Variants in CNTN4 observed in about 807,000 individuals in gnomAD.
The protein encoded by CNTN4 is contactin 4.
CNTN4 carries 77 observed loss-of-function variants against 122.5 expected under a neutral mutation model. The ratio of observed to expected loss-of-function variants is 0.63; its 90% confidence interval spans 0.52 to 0.76. The LOEUF (loss-of-function observed/expected upper bound fraction) is 0.76, where lower values mean the gene tolerates loss of function less well. CNTN4 is among the 30% of genes least tolerant of loss of function. The pLI is 0.00. For synonymous variants in CNTN4, 512 were observed against 447.0 expected, an observed-to-expected ratio of 1.15 and a Z score of -1.83; for missense variants, 1,256 against 1,259.1, an observed-to-expected ratio of 1.00 and a Z score of 0.04.
At chr3:2,865,750 C>T (rs2150822207) in intron 7 of CNTN4, among the ~76,000 whole-genome samples, 1 of 152,292 alleles carries the variant, frequency 6.6e-6, no homozygotes, top group Admixed American at 6.5e-5. Context: ...TAGTTCACTG[C>T]AGCAAATCAT....
chr3:2,860,075 G>A (rs1018169679), intron 7 of CNTN4, among the ~76,000 whole-genome samples: 8 of 152,228 alleles, frequency 5.3e-5, no homozygotes, highest in East Asian at 1.9e-4. Flanking sequence ...TGAACAAAGC[G>A]AGTAGTCTCT....
At chr3:2,254,030 C>G (rs1238329854) in intron 2 of CNTN4, among the ~76,000 whole-genome samples, 2 of 151,666 alleles carry the variant, frequency 1.3e-5, no homozygotes, top group Non-Finnish European at 1.5e-5. Context: ...CTAATGCTAT[C>G]CCTCCCCTAG....
Position 3,030,868 on chromosome 3 carries a change from G to A in CNTN4, c.1676G>A (p.Gly559Asp). 1.2e-6 allele frequency: 2 copies of A among 1,614,042 alleles called. No individual in the cohort carries two copies. The highest frequency in any genetic ancestry group is 1.3e-5 in the African/African-American group (1 of 75,036). ...CTACTTTATCAGCAGGATTCAGCTG[G>A]TGATTTGATGATCCGAAACATCCAA... Reference protein sequence around the residue: ...FERVGGQDSAGDLMIRNIQLK... With the variant: ...FERVGGQDSADDLMIRNIQLK... The change falls in exon 16 of 25, where the codon GGT (glycine) becomes GAT (aspartate). Residue 559 changes from glycine to aspartate, a missense_variant. Coordinates refer to ENST00000418658, the MANE Select transcript of CNTN4 (RefSeq NM_175607.3).
At chr3:2,252,204 T>C (rs1575175906) in intron 2 of CNTN4, among the ~76,000 whole-genome samples, 1 of 152,020 alleles carries the variant, frequency 6.6e-6, no homozygotes, top group Non-Finnish European at 1.5e-5. Context: ...TCCAACATAG[T>C]TGAGTGGTGA....
chr3:2,485,575 C>T lies in CNTN4; in HGVS notation c.-88-85841C>T, dbSNP rs183938160. 2.0e-5 allele frequency among the ~76,000 whole-genome samples: 3 copies of T among 152,134 alleles called. No homozygotes were observed. The East Asian group carries it at 5.8e-4, about 29-fold the overall frequency. On this transcript the variant is annotated intron_variant, in intron 3 of 24. Coordinates refer to ENST00000418658, the MANE Select transcript of CNTN4 (RefSeq NM_175607.3). ...ACCCATCGGCACTCTGTGTCTAGTT[C>T]AAGGTTTGTAAATGCACCAATCAGC...
chr3:2,327,169 C>T (rs1201554845), intron 2 of CNTN4, among the ~76,000 whole-genome samples: 2 of 119,788 alleles, frequency 1.7e-5, no homozygotes, highest in Non-Finnish European at 3.6e-5. Flanking sequence ...GTGTGTGTGT[C>T]TATAAAGTGC....
At chr3:2,779,026 C>G (rs554663737) in intron 6 of CNTN4, among the ~76,000 whole-genome samples, 53 of 152,280 alleles carry the variant, frequency 3.5e-4, no homozygotes, top group African/African-American at 1.2e-3. Context: ...CCCATAGTAG[C>G]ATTTATTTCC....
At chr3:2,185,550 C>G (rs938535245) in intron 2 of CNTN4, among the ~76,000 whole-genome samples, 1 of 152,090 alleles carries the variant, frequency 6.6e-6, no homozygotes, top group Non-Finnish European at 1.5e-5. Context: ...CATATCCCCA[C>G]AGTGTATGCT....
intron 7 of CNTN4, among the ~76,000 whole-genome samples, chr3:2,860,647 A>G (rs1320726731): frequency 6.6e-6 from 1 of 152,162 alleles, no homozygotes; most frequent in Non-Finnish European, 1.5e-5. Flanking sequence ...AACTCATCTA[A>G]GACACTGCCC....
chr3:2,574,289 T>G (rs2149512032), intron 4 of CNTN4, among the ~76,000 whole-genome samples: 1 of 152,270 alleles, frequency 6.6e-6, no homozygotes, highest in East Asian at 1.9e-4. Flanking sequence ...CCATAACTTT[T>G]CTATACATCT....
intron 14 of CNTN4, among the ~76,000 whole-genome samples, chr3:3,012,387 A>G (rs967951022): frequency 6.6e-6 from 1 of 152,040 alleles, no homozygotes; most frequent in Non-Finnish European, 1.5e-5. Flanking sequence ...AATAGCTAGC[A>G]TTTTTTGAGC....
intron 4 of CNTN4, among the ~76,000 whole-genome samples, chr3:2,633,008 TATC>T (rs1244295526): frequency 1.3e-5 from 2 of 148,850 alleles, no homozygotes; most frequent in Non-Finnish European, 3.0e-5. Flanking sequence ...ATTTATATAA[TATC>T]TATTTATAAC....
intron 6 of CNTN4, among the ~76,000 whole-genome samples, chr3:2,792,320 A>G (rs2092037546): frequency 6.6e-6 from 1 of 152,190 alleles, no homozygotes; most frequent in Admixed American, 6.5e-5. Flanking sequence ...CTACTACACA[A>G]CAATCTTCGT....
intron 3 of CNTN4, among the ~76,000 whole-genome samples, chr3:2,379,783 G>C (rs910002428): frequency 6.6e-6 from 1 of 152,036 alleles, no homozygotes; most frequent in Non-Finnish European, 1.5e-5. Context: ...GGCCGGGCGC[G>C]GTGGCTCACG....
chr3:2,562,784 C>G (rs2079012042), intron 3 of CNTN4, among the ~76,000 whole-genome samples: 1 of 151,790 alleles, frequency 6.6e-6, no homozygotes, highest in Admixed American at 6.6e-5. Flanking sequence ...AGTGCAGTGG[C>G]ACGATCTTGG....
At chr3:2,173,156 C>G (rs754626718) in intron 2 of CNTN4, among the ~76,000 whole-genome samples, 1 of 152,200 alleles carries the variant, frequency 6.6e-6, no homozygotes, top group Non-Finnish European at 1.5e-5. Context: ...CAGTTGAGTA[C>G]TTTGCCAGAC....
chr3:2,146,713 G>T (rs965416841), intron 2 of CNTN4, among the ~76,000 whole-genome samples: 2 of 151,552 alleles, frequency 1.3e-5, no homozygotes, highest in Non-Finnish European at 3.0e-5. Context: ...AGACAGAGAG[G>T]TCTGGTCCCT....
At chr3:2,970,781 T>C (rs756025027) in intron 13 of CNTN4, among the ~76,000 whole-genome samples, 1 of 151,992 alleles carries the variant, frequency 6.6e-6, no homozygotes, top group Non-Finnish European at 1.5e-5. Context: ...ATGGATCATG[T>C]ACTGTATTCT....
chr3:2,158,311 CATT>C lies in CNTN4; in HGVS notation c.-145+57676_-145+57678del, dbSNP rs1344073555. Among the ~76,000 whole-genome samples the C allele has an allele frequency of 1.2e-4, 18 of 152,294 alleles. No homozygotes were observed. The East Asian group carries it at 1.5e-3, about 13-fold the overall frequency. Reference sequence around the variant, plus strand: ...CTACCATCCCTCATTATTTGTCCATCATTATTTCAGTACAAACATACCCAATGT... The same window carrying C: ...CTACCATCCCTCATTATTTGTCCATCATTTCAGTACAAACATACCCAATGT... On this transcript the variant is annotated intron_variant, in intron 2 of 24. Coordinates refer to ENST00000418658, the MANE Select transcript of CNTN4 (RefSeq NM_175607.3).
Sources: gnomAD v4.1 joint callset for allele counts (sites outside exome capture counted in the v4.1 genomes callset) on GRCh38, gnomAD v4.1.1 for gene constraint, MANE v1.5 for transcripts, NCBI Gene and HGNC (gene_info 2026-07-23, HGNC 2026-07-21) for gene names.